Variants in NAV1 observed in about 807,000 individuals in gnomAD.
NAV1 encodes pore membrane and/or filament interacting like protein 3.
NAV1 carries 18 observed loss-of-function variants against 175.2 expected under a neutral mutation model. The observed-to-expected ratio is 0.10, with a 90% CI of 0.07 to 0.15. NAV1 has a LOEUF of 0.15. NAV1 is among the 10% of genes least tolerant of loss of function. The pLI is 1.00. For missense variants in NAV1, 1,731 were observed against 2,436.6 expected (o/e 0.71, Z 6.10); for synonymous variants, 897 against 978.7 (o/e 0.92, Z 1.56).
At chr1:201,789,676 T>G in intron 10 of NAV1, 64 bp from the exon 15 acceptor site, 1 of 1,463,244 alleles carries the variant, frequency 6.8e-7, no homozygotes, top group Non-Finnish European at 9.6e-7. Context: ...CCTTAGGGAG[T>G]CTTCCAAAAA....
At chr1:201,809,238 C>T in exon 21 of NAV1, 1 of 1,613,840 alleles carries the variant, frequency 6.2e-7, no homozygotes. Context: ...GGTGAGGATG[C>T]CCCCGCAGCA....
intron 2 of NAV1, among the ~76,000 whole-genome samples, chr1:201,642,557 T>TTTCTTTCTTCCTTCCTTCCTCTTTC (rs1571858664): frequency 9.4e-6 from 1 of 106,016 alleles, no homozygotes; most frequent in African/African-American, 4.3e-5. Context: ...TTCTTTCTTT[T>TTTCTTTCTTCCTTCCTTCCTCTTTC]TTCCCTTTCT....
chr1:201,649,180 C>G, exon 1 of NAV1: 1 of 1,612,314 alleles, frequency 6.2e-7, no homozygotes, highest in Non-Finnish European at 8.5e-7. Context: ...CTGGGAAAGC[C>G]GAGCCGGATC....
At chr1:201,754,221 G>A (rs1020266762) in intron 3 of NAV1, among the ~76,000 whole-genome samples, 4 of 152,150 alleles carry the variant, frequency 2.6e-5, no homozygotes, top group African/African-American at 9.7e-5. Flanking sequence ...AAGATACTCT[G>A]CCATCATGTT....
chr1:201,785,387 G>A (rs368554967), intron 8 of NAV1, 36 bp downstream of exon 12: 1 of 1,593,858 alleles, frequency 6.3e-7, no homozygotes, highest in Non-Finnish European at 8.6e-7. Flanking sequence ...CCCTATAAAT[G>A]GGACTGCTGG....
intron 1 of NAV1, among the ~76,000 whole-genome samples, chr1:201,680,113 G>A (rs1670403419): frequency 2.0e-5 from 3 of 152,216 alleles, no homozygotes; most frequent in Admixed American, 2.0e-4. Flanking sequence ...GCATCTGCTT[G>A]GCTTTTGGTG....
At chr1:201,784,449 C>T (rs1369978033) in intron 7 of NAV1, among the ~76,000 whole-genome samples, 1 of 152,174 alleles carries the variant, frequency 6.6e-6, no homozygotes, top group Admixed American at 6.5e-5. Context: ...TGAGCCACCA[C>T]ACCTGGCTGC....
chr1:201,793,563 T>C (rs942235963), intron 13 of NAV1: 4 of 507,474 alleles, frequency 7.9e-6, no homozygotes, highest in African/African-American at 7.7e-5. Context: ...AAACCTGCCC[T>C]ACCCTCAACC....
At chr1:201,814,365 G>C (rs1212475480) in intron 28 of NAV1, among the ~76,000 whole-genome samples, 2 of 96,916 alleles carry the variant, frequency 2.1e-5, no homozygotes, top group Non-Finnish European at 5.1e-5. Context: ...GTGAGAACCT[G>C]TCTCAAAAAA....
chr1:201,634,218 A>C (rs1472915294), intron 2 of NAV1, among the ~76,000 whole-genome samples: 1 of 152,342 alleles, frequency 6.6e-6, no homozygotes, highest in Non-Finnish European at 1.5e-5. Flanking sequence ...AATTAAATGC[A>C]TGGATATTGG....
At chr1:201,734,594 G>A (rs184287885) in intron 3 of NAV1, among the ~76,000 whole-genome samples, 3 of 151,948 alleles carry the variant, frequency 2.0e-5, no homozygotes, top group Admixed American at 1.3e-4. Context: ...CAGAGATTTG[G>A]GATCCAAATT....
intron 1 of NAV1, among the ~76,000 whole-genome samples, chr1:201,650,256 G>A (rs541432751): frequency 7.0e-5 from 10 of 142,968 alleles, no homozygotes; most frequent in African/African-American, 2.2e-4. Flanking sequence ...AAGAGTCTAT[G>A]CAAAAAAACC....
At chr1:201,573,385 A>G (rs1040571399) in intron 1 of NAV1, among the ~76,000 whole-genome samples, 1 of 152,206 alleles carries the variant, frequency 6.6e-6, no homozygotes, top group South Asian at 2.1e-4. Context: ...GAAAGAAGAA[A>G]GGAAGGAAGG....
At chr1:201,552,180 G>A (rs918815762) in intron 1 of NAV1, among the ~76,000 whole-genome samples, 8 of 152,198 alleles carry the variant, frequency 5.3e-5, no homozygotes, top group African/African-American at 1.4e-4. Flanking sequence ...GCCAGAGGCC[G>A]AGTCAGGGCT....
In NAV1 at chr1:201,812,033, A is replaced by T; in HGVS notation, c.5024+59A>T. The T allele has an allele frequency of 6.7e-7, 1 of 1,499,512 alleles. No homozygotes were observed. Among genetic ancestry groups the T allele is most frequent in the Non-Finnish European group, 9.3e-7 (1 of 1,075,770 alleles). The allele number at this position is 1,499,512 out of a possible 1,614,324, so 92.9% of individuals were successfully genotyped here. A position where few individuals can be genotyped will look rare whatever the true frequency, so the allele number is the denominator to read the frequency against. ...CCTACCCAAGAGTCTTCAATCCTGG[A>T]CTCTGGCCAGGAGGCAGTAGATAGG... On this transcript the variant is annotated intron_variant, in intron 26 of 29. Coordinates refer to ENST00000367296, the Ensembl canonical transcript of NAV1. This position sits in a 1 kb window ranked among gnomAD's most constrained non-coding sequence, Gnocchi z 4.6.
chr1:201,707,800 C>T (rs115306819), intron 1 of NAV1, among the ~76,000 whole-genome samples: 3,004 of 152,346 alleles, frequency 0.02, 104 homozygotes, highest in African/African-American at 0.069. Context: ...ACAGAAATCT[C>T]TCTATGCATA....
At chr1:201,548,282 A>G (rs1265582023) in intron 1 of NAV1, among the ~76,000 whole-genome samples, 2 of 152,246 alleles carry the variant, frequency 1.3e-5, no homozygotes, top group Non-Finnish European at 2.9e-5. Flanking sequence ...AATAGCTATC[A>G]ATAAAGGTGT....
chr1:201,778,667 C>G (rs1378955074), intron 3 of NAV1, among the ~76,000 whole-genome samples: 4 of 152,080 alleles, frequency 2.6e-5, no homozygotes, highest in African/African-American at 9.7e-5. Context: ...TGTTCTAATC[C>G]CCATGCTTTC....
intron 1 of NAV1, among the ~76,000 whole-genome samples, chr1:201,701,026 A>G (rs1671399837): frequency 6.7e-6 from 1 of 150,338 alleles, no homozygotes. Context: ...AAAAAAAAAA[A>G]AAAAAAGAAA....
Sources: allele counts gnomAD v4.1 joint callset (sites outside exome capture counted in the v4.1 genomes callset), GRCh38; gene constraint gnomAD v4.1.1; non-coding constraint Gnocchi (gnomAD v3.1); transcripts MANE v1.5; gene names NCBI Gene and HGNC (gene_info 2026-07-23, HGNC 2026-07-21).